Variants in ZC3H13 observed in about 807,000 individuals in gnomAD.
ZC3H13 encodes the protein zinc finger CCCH domain-containing protein 13.
A neutral mutation model predicts 204.1 loss-of-function variants in ZC3H13; 64 were observed. That is an observed-to-expected ratio of 0.31 (90% CI 0.26 to 0.39). The LOEUF (loss-of-function observed/expected upper bound fraction) is 0.39. ZC3H13 is among the 10% of genes least tolerant of loss of function. The pLI, the probability that ZC3H13 is intolerant of heterozygous loss-of-function variation, is 1.00. For missense variants in ZC3H13, 1,833 were observed against 2,082.7 expected, an observed-to-expected ratio of 0.88 and a Z score of 2.33; for synonymous variants, 667 against 693.7, an observed-to-expected ratio of 0.96 and a Z score of 0.60.
intron 1 of ZC3H13, among the ~76,000 whole-genome samples, chr13:46,047,253 T>C (rs1426576249): frequency 6.6e-6 from 1 of 152,154 alleles, no homozygotes. Flanking sequence ...TAATATATGG[T>C]GATTTTAAAT....
rs1465537309 is a variant in ZC3H13 at position 46,052,654 on chromosome 13, TA to T, written c.-261del. ...CGAAACTGGGTCGCAGGAAGAAAAA[TA>T]ACGAAGAGATTGTAGATTAAGAAAA... On this transcript the variant is annotated 5_prime_UTR_variant, in exon 1 of 19. Transcript: ENST00000679008. 2.5e-6 allele frequency: 1 copy of T among 398,266 alleles called. No homozygotes were observed. The highest frequency in any genetic ancestry group is 2.1e-5 in the African/African-American group (1 of 48,476). 24.7% of individuals were successfully genotyped at this position (398,266 alleles called of 1,614,324 possible).
intron 17 of ZC3H13, among the ~76,000 whole-genome samples, chr13:45,960,746 A>G (rs1020044553): frequency 8.5e-5 from 13 of 152,242 alleles, no homozygotes; most frequent in African/African-American, 3.1e-4. Flanking sequence ...TACTGCCTCT[A>G]TTCATACAAC....
At chr13:46,011,221 C>T (rs1263056812) in intron 6 of ZC3H13, among the ~76,000 whole-genome samples, 194 bp downstream of exon 6, 1 of 152,056 alleles carries the variant, frequency 6.6e-6, no homozygotes, top group Non-Finnish European at 1.5e-5. Context: ...TATTCAATAA[C>T]ATAAATATTT....
intron 4 of ZC3H13, among the ~76,000 whole-genome samples, chr13:46,041,414 T>C (rs1452854337): frequency 1.3e-5 from 2 of 152,126 alleles, no homozygotes; most frequent in African/African-American, 4.8e-5. Flanking sequence ...TGCCTAGGGC[T>C]GGTGGCTAGG....
intron 8 of ZC3H13, among the ~76,000 whole-genome samples, chr13:45,996,293 T>C (rs577505292): frequency 3.0e-4 from 45 of 152,212 alleles, no homozygotes; most frequent in Admixed American, 7.2e-4. Flanking sequence ...GTTAGGAATA[T>C]TGACACAGAG....
intron 15 of ZC3H13, 53 bp downstream of exon 15, chr13:45,967,451 C>A: frequency 2.0e-6 from 3 of 1,477,220 alleles, no homozygotes; most frequent in South Asian, 3.1e-5. Context: ...TTGTTTCCCA[C>A]GAAATCTGAA....
intron 5 of ZC3H13, among the ~76,000 whole-genome samples, chr13:46,018,323 T>C (rs1028337113): frequency 1.1e-4 from 17 of 152,190 alleles, no homozygotes; most frequent in Non-Finnish European, 2.1e-4. Context: ...TGAAACAGTA[T>C]CAAGTAGAAA....
intron 4 of ZC3H13, among the ~76,000 whole-genome samples, chr13:46,034,847 A>T (rs1482208790): frequency 1.3e-5 from 2 of 152,212 alleles, no homozygotes; most frequent in East Asian, 3.8e-4. Context: ...GGAATGGATT[A>T]CAGTTAGAGA....
intron 10 of ZC3H13, among the ~76,000 whole-genome samples, chr13:45,980,275 T>TC (rs1309417878): frequency 6.6e-6 from 1 of 150,854 alleles, no homozygotes; most frequent in East Asian, 1.9e-4. Flanking sequence ...AATTAACCTG[T>TC]CCCCCCAAAA....
chr13:46,016,239 A>G (rs1281481371), intron 5 of ZC3H13, among the ~76,000 whole-genome samples: 1 of 152,144 alleles, frequency 6.6e-6, no homozygotes, highest in Non-Finnish European at 1.5e-5. Context: ...AGAGAAATTG[A>G]TATGTGTCTG....
At chr13:46,048,656 A>C (rs1365979015) in intron 1 of ZC3H13, among the ~76,000 whole-genome samples, 1 of 151,346 alleles carries the variant, frequency 6.6e-6, no homozygotes. Context: ...TCAAGTGAAG[A>C]CTAATGATCC....
At chr13:46,006,084 CA>C (rs71074745) in intron 7 of ZC3H13, among the ~76,000 whole-genome samples, 46 of 145,368 alleles carry the variant, frequency 3.2e-4, no homozygotes, top group Middle Eastern at 3.7e-3. Context: ...GACTCTGTCC[CA>C]AAAAAAAAAA....
chr13:45,975,966 T>C (rs1953010764), intron 11 of ZC3H13, 128 bp from the exon 12 acceptor site: 1 of 1,391,090 alleles, frequency 7.2e-7, no homozygotes, highest in South Asian at 1.7e-5. Context: ...CCAAGTAGCA[T>C]ATTTAATTTT....
chr13:46,048,539 C>T (rs2044158078), intron 1 of ZC3H13, among the ~76,000 whole-genome samples: 1 of 142,168 alleles, frequency 7.0e-6, no homozygotes, highest in Non-Finnish European at 1.5e-5. Context: ...CGAGATTGCG[C>T]CACTGCACTC....
Position 45,964,001 on chromosome 13 carries a change from G to A in ZC3H13, c.4516C>T (p.Pro1506Ser). ...TCTCGTGGTTCTTTTGGATGCTTTG[G>A]CATAAGACCAGACCAATCCACATCT... The part of the protein sequence containing the change: ...VIDVDWSGLM[P>S]KHPKEPREPG... Residue 1506 changes from proline (P) to serine (S), a missense_variant, in exon 17 of 19, where the codon CCA becomes TCA. By Grantham distance (74) the Pro-to-Ser change is moderately conservative. Transcript: ENST00000679008. The A allele has an allele frequency of 6.2e-7, 1 of 1,614,042 alleles. No individual in the cohort carries two copies. Among genetic ancestry groups the A allele is most frequent in the Non-Finnish European group, 8.5e-7 (1 of 1,179,982 alleles).
At position 45,969,429 on chromosome 13, in the gene ZC3H13, T is replaced by C; in HGVS notation, c.3115A>G (p.Lys1039Glu). 6.2e-7 allele frequency: 1 copy of C among 1,614,072 alleles called. No homozygotes were observed. The highest frequency in any genetic ancestry group is 8.5e-7 in the Non-Finnish European group (1 of 1,179,986). ...RGPRTPPITT[K>E]EELVEMCNGK... is the part of the protein sequence containing the mutation. ...TTGCACATTTCAACCAATTCCTCTT[T>C]AGTTGTTATAGGGGGAGTCCGTGGG... Residue 1039 changes from lysine (K) to glutamate (E), a missense_variant, in exon 14 of 19, where the codon AAA (lysine) becomes GAA (glutamate). By Grantham distance (56) the Lys-to-Glu change is moderately conservative. Around this residue, in one of 5 missense-constraint regions of ZC3H13, gnomAD observed 1,574 missense variants for 1,757.2 expected, o/e 0.90. Transcript: ENST00000679008.
At chr13:46,044,667 C>T (rs1480044805) in intron 3 of ZC3H13, among the ~76,000 whole-genome samples, 1 of 151,974 alleles carries the variant, frequency 6.6e-6, no homozygotes, top group African/African-American at 2.4e-5. Context: ...CTGTCTTAAG[C>T]AGCAATTTAA....
rs58747576 is a variant in ZC3H13 at position 45,996,030 on chromosome 13, T to C, written c.945-6933A>G. Among the ~76,000 whole-genome samples, 936 of 152,338 alleles carry C rather than the reference T, an allele frequency of 6.1e-3. 7 individuals carry two copies. The highest frequency in any genetic ancestry group is 0.024 in the Middle Eastern group (7 of 294). On this transcript the variant is annotated intron_variant, in intron 8 of 18. Coordinates refer to ENST00000679008, the MANE Select transcript of ZC3H13 (RefSeq NM_001330564.2). ...ATATCACCTGTCAGCAGAATCATAC[T>C]GAAACCAAAATATCTGGCAGAATGA... is the stretch of plus-strand genomic sequence containing the variant.
intron 18 of ZC3H13, among the ~76,000 whole-genome samples, chr13:45,958,308 C>T (rs900195611): frequency 6.6e-6 from 1 of 152,086 alleles, no homozygotes; most frequent in Non-Finnish European, 1.5e-5. Flanking sequence ...TTCCTAACTG[C>T]CCCAAGTAAA....
Sources: allele counts gnomAD v4.1 joint callset (sites outside exome capture counted in the v4.1 genomes callset), GRCh38; gene constraint gnomAD v4.1.1; regional missense constraint gnomAD v4.1.1; transcripts MANE v1.5; gene names NCBI Gene and HGNC (gene_info 2026-07-23, HGNC 2026-07-21).